CACNB4: variants seen among roughly 807,000 people sequenced by gnomAD.
CACNB4 encodes the protein calcium voltage-gated channel auxiliary subunit beta 4.
CACNB4 carries 32 observed loss-of-function variants against 71.2 expected under a neutral mutation model. The ratio of observed to expected loss-of-function variants is 0.45; its 90% CI spans 0.34 to 0.60. CACNB4 has a LOEUF of 0.60. Among genes scored for constraint, CACNB4 ranks in the 20% least tolerant of loss-of-function variants. The pLI, the probability that CACNB4 is intolerant of heterozygous loss-of-function variation, is 0.01. For missense variants in CACNB4, 464 were observed against 647.9 expected (o/e 0.72, Z 3.08); for synonymous variants, 231 against 236.9 (o/e 0.97, Z 0.23).
In CACNB4 at chr2:151,848,600, G is replaced by C. The variant is rs548230319; in HGVS notation, c.1116+4848C>G. On this transcript the variant is annotated intron_variant, in intron 12 of 13. Transcript: ENST00000539935. ...CATTCAGCAGTGGAAAATAAAGGGC[G>C]ACAGAACAGAGTGACCATGGTTACT... Among the ~76,000 whole-genome samples the C allele has an allele frequency of 7.9e-5, 12 of 152,234 alleles. No individual in the cohort carries two copies. The South Asian group carries it at 2.5e-3, about 32-fold the overall frequency.
At position 151,835,836 on chromosome 2, in the gene CACNB4, T is replaced by C. The variant is rs2099834774; in HGVS notation, c.*3283A>G. On this transcript the variant is annotated 3_prime_UTR_variant, in exon 14 of 14. Coordinates refer to ENST00000539935, the MANE Select transcript of CACNB4 (RefSeq NM_000726.5). Reference sequence around the variant, plus strand: ...GCAAACAACGACAATAATAATTAAATAGCAGATTATTTAAAGGAAACAAAT... The same window carrying C: ...GCAAACAACGACAATAATAATTAAACAGCAGATTATTTAAAGGAAACAAAT... 6.6e-6 allele frequency: 1 copy of C among 151,810 alleles called. No individual in the cohort carries two copies. The highest frequency in any genetic ancestry group is 1.5e-5 in the Non-Finnish European group (1 of 67,718). 9.4% of individuals were successfully genotyped at this position (151,810 alleles called of 1,614,324 possible).
intron 2 of CACNB4, among the ~76,000 whole-genome samples, chr2:151,890,404 A>G (rs745740233): frequency 3.9e-5 from 6 of 152,208 alleles, no homozygotes; most frequent in Non-Finnish European, 8.8e-5. Context: ...TCCCTTACTA[A>G]CTTATAGATA....
intron 3 of CACNB4, among the ~76,000 whole-genome samples, chr2:151,882,669 C>T (rs1462547301): frequency 6.6e-6 from 1 of 152,196 alleles, no homozygotes; most frequent in Non-Finnish European, 1.5e-5. Context: ...ATGCAGTTGG[C>T]TCCTTGCTGC....
intron 2 of CACNB4, among the ~76,000 whole-genome samples, chr2:151,974,616 G>A (rs549862040): frequency 5.3e-5 from 8 of 152,252 alleles, no homozygotes; most frequent in South Asian, 4.2e-4. Flanking sequence ...ATGTCTTCAC[G>A]TAAATTCTTC....
chr2:151,974,370 C>A (rs114992624), intron 2 of CACNB4, among the ~76,000 whole-genome samples: 2 of 152,048 alleles, frequency 1.3e-5, no homozygotes, highest in African/African-American at 2.4e-5. Flanking sequence ...TCTTTACACC[C>A]AATGTGAAGA....
At chr2:151,976,728 C>T (rs1448592485) in intron 2 of CACNB4, among the ~76,000 whole-genome samples, 2 of 152,158 alleles carry the variant, frequency 1.3e-5, no homozygotes, top group African/African-American at 4.8e-5. Flanking sequence ...GAAAAGTGAG[C>T]TCAGAACTCT....
At chr2:152,020,640 A>G (rs1281811482) in intron 2 of CACNB4, among the ~76,000 whole-genome samples, 1 of 152,242 alleles carries the variant, frequency 6.6e-6, no homozygotes, top group Non-Finnish European at 1.5e-5. Flanking sequence ...TGGTGCCATG[A>G]AGCCAAAGGA....
chr2:152,095,798 C>T (rs1688232300), intron 2 of CACNB4, among the ~76,000 whole-genome samples: 1 of 152,078 alleles, frequency 6.6e-6, no homozygotes, highest in Non-Finnish European at 1.5e-5. Context: ...ATTACAAGCA[C>T]ACACCACCAC....
At chr2:152,034,959 C>T (rs943300736) in intron 2 of CACNB4, among the ~76,000 whole-genome samples, 7 of 152,134 alleles carry the variant, frequency 4.6e-5, no homozygotes, top group Admixed American at 6.5e-5. Flanking sequence ...GGGAAGTCCG[C>T]GGCAAAAGTA....
At position 151,853,463 on chromosome 2, in the gene CACNB4, A is replaced by T; in HGVS notation, c.1101T>A (p.Leu367=). ...LNVQLVAADK[L]AQCPPEMFDV... is the part of the protein sequence containing the mutation. ...TCATACTTACTGGGGGGCATTGTGC[A>T]AGTTTATCAGCTGCCACCAGTTGAA... Residue 367 remains leucine, a synonymous_variant, in exon 12 of 14, where the codon CTT becomes CTA. Coordinates refer to ENST00000539935, the MANE Select transcript of CACNB4 (RefSeq NM_000726.5). The T allele has an allele frequency of 6.3e-7, 1 of 1,596,008 alleles. No homozygotes were observed. Among genetic ancestry groups the T allele is most frequent in the South Asian group, 1.1e-5 (1 of 87,212 alleles).
intron 2 of CACNB4, among the ~76,000 whole-genome samples, chr2:151,928,825 T>A (rs1206554136): frequency 6.6e-6 from 1 of 151,542 alleles, no homozygotes; most frequent in African/African-American, 2.4e-5. Flanking sequence ...GGCTGGAGAA[T>A]CGCTTGAACC....
chr2:152,042,789 G>A (rs1191992254), intron 2 of CACNB4, among the ~76,000 whole-genome samples: 1 of 152,146 alleles, frequency 6.6e-6, no homozygotes, highest in Non-Finnish European at 1.5e-5. Context: ...CTACTGGGCT[G>A]CATTCCCAGG....
In CACNB4 at chr2:152,098,985, G is replaced by T; in HGVS notation, c.27C>A (p.Asn9Lys). 8 of 1,534,922 alleles carry T rather than the reference G, an allele frequency of 5.2e-6. No individual in the cohort carries two copies. Among genetic ancestry groups the T allele is most frequent in the Non-Finnish European group, 7.0e-6 (8 of 1,143,284 alleles). Residue 9 changes from asparagine to lysine, a missense_variant, in exon 1 of 14, where the codon AAC becomes AAA. Asn to Lys is a moderately conservative substitution (Grantham distance 94). This residue lies in a region of CACNB4 where 50 missense variants were observed against 47.5 expected (regional missense o/e 1.05). Coordinates refer to ENST00000539935, the MANE Select transcript of CACNB4 (RefSeq NM_000726.5). The surrounding 1 kb of genome is among the most constrained non-coding windows in gnomAD (Gnocchi z 5.3). MSSSSYAK[N>K]GTADGPHSPT... is the part of the protein sequence containing the mutation. Reference sequence around the variant, plus strand: ...GGGAGTGCGGCCCGTCCGCGGTCCCGTTCTTGGCGTAGGAGGAGGAGGACA... The same window carrying T: ...GGGAGTGCGGCCCGTCCGCGGTCCCTTTCTTGGCGTAGGAGGAGGAGGACA...
At chr2:152,013,804 G>A (rs1437377336) in intron 2 of CACNB4, among the ~76,000 whole-genome samples, 2 of 152,222 alleles carry the variant, frequency 1.3e-5, no homozygotes, top group Non-Finnish European at 2.9e-5. Context: ...GGATGGGATA[G>A]TGCCTTCCTT....
At chr2:151,939,803 T>A (rs1311986789) in intron 2 of CACNB4, among the ~76,000 whole-genome samples, 1 of 152,138 alleles carries the variant, frequency 6.6e-6, no homozygotes, top group Non-Finnish European at 1.5e-5. Context: ...ATGGTGAAAT[T>A]CACCCTGTTA....
At chr2:152,037,867 C>G (rs34139080) in intron 2 of CACNB4, among the ~76,000 whole-genome samples, 62,356 of 152,138 alleles carry the variant, frequency 0.41, 15,664 homozygotes, top group Non-Finnish European at 0.57. Context: ...GCTGCTCCCC[C>G]CTCATCCTTG....
At chr2:151,959,655 A>ATT (rs1560071679) in intron 2 of CACNB4, among the ~76,000 whole-genome samples, 2 of 152,250 alleles carry the variant, frequency 1.3e-5, no homozygotes, top group East Asian at 3.9e-4. Context: ...TTTCTATCTT[A>ATT]TTTGTATCCG....
At chr2:151,862,731 T>C (rs751696430) in intron 9 of CACNB4, among the ~76,000 whole-genome samples, 1 of 152,196 alleles carries the variant, frequency 6.6e-6, no homozygotes, top group African/African-American at 2.4e-5. Flanking sequence ...AGAGGGAAAC[T>C]GAGACACACA....
At chr2:152,015,469 G>A (rs943566992) in intron 2 of CACNB4, among the ~76,000 whole-genome samples, 3 of 152,134 alleles carry the variant, frequency 2.0e-5, no homozygotes, top group Non-Finnish European at 2.9e-5. Context: ...TCATCTGTAA[G>A]TTCTAGTGTC....
Sources: allele counts gnomAD v4.1 joint callset (sites outside exome capture counted in the v4.1 genomes callset), GRCh38; gene constraint gnomAD v4.1.1; regional missense constraint gnomAD v4.1.1; non-coding constraint Gnocchi (gnomAD v3.1); transcripts MANE v1.5; gene names NCBI Gene and HGNC (gene_info 2026-07-23, HGNC 2026-07-21).